WDR70: variants seen among roughly 807,000 people sequenced by gnomAD.
The protein encoded by WDR70 is WD repeat domain 70, also known as WD repeat-containing protein 70.
Under a neutral mutation model 88.6 loss-of-function variants are expected in WDR70, and 53 were observed. That is an observed-to-expected ratio of 0.60 (90% CI 0.48 to 0.75). The LOEUF (loss-of-function observed/expected upper bound fraction) is 0.75, where lower values mean the gene tolerates loss of function less well. WDR70 is among the 30% of genes least tolerant of loss of function. The probability of loss-of-function intolerance (pLI) is 0.00; values close to 1 mark genes in which losing one functional copy is unlikely to be tolerated. For missense variants in WDR70, 610 were observed against 823.2 expected (o/e 0.74, Z 3.17); for synonymous variants, 280 against 270.0 (o/e 1.04, Z -0.36).
At chr5:37,474,886 T>C (rs1739430063) in intron 7 of WDR70, among the ~76,000 whole-genome samples, 1 of 152,174 alleles carries the variant, frequency 6.6e-6, no homozygotes, top group Admixed American at 6.5e-5. Context: ...ATTTCCTTTT[T>C]ATCTCCAGTA....
rs546563852 is a variant in WDR70, at chr5:37,433,387, T to G, written c.493-4535T>G. On this transcript the variant is annotated intron_variant, in intron 5 of 17. Coordinates refer to ENST00000265107, the MANE Select transcript of WDR70 (RefSeq NM_018034.4). ...AAAATCTCAGACTTTATCAAATTAC[T>G]TTCTATGACTCAGAGCTTAAACTTC... is the stretch of plus-strand genomic sequence containing the variant. Among the ~76,000 whole-genome samples, 38 of 152,276 alleles carry G rather than the reference T, an allele frequency of 2.5e-4. 1 individual carries two copies. The highest frequency in any genetic ancestry group is 8.4e-4 in the African/African-American group (35 of 41,560).
intron 5 of WDR70, among the ~76,000 whole-genome samples, chr5:37,397,800 C>G (rs1749064793): frequency 6.6e-6 from 1 of 152,166 alleles, no homozygotes; most frequent in South Asian, 2.1e-4. Flanking sequence ...TGAGACCATC[C>G]TGGCCAACAT....
chr5:37,396,694 G>A (rs1487587830), intron 5 of WDR70, 124 bp downstream of exon 5: 8 of 1,406,882 alleles, frequency 5.7e-6, no homozygotes, highest in Non-Finnish European at 6.5e-6. Context: ...GCCGGGCATG[G>A]TGGCTTAACA....
At chr5:37,655,537 A>G (rs745661052) in intron 10 of WDR70, among the ~76,000 whole-genome samples, 16 of 152,066 alleles carry the variant, frequency 1.1e-4, no homozygotes, top group Non-Finnish European at 1.6e-4. Context: ...GTGTCTTCCA[A>G]TTTGGTTCCA....
At chr5:37,461,588 G>A (rs1437090842) in intron 7 of WDR70, among the ~76,000 whole-genome samples, 3 of 151,888 alleles carry the variant, frequency 2.0e-5, no homozygotes, top group Admixed American at 6.6e-5. Flanking sequence ...GGTTCACGCC[G>A]TTCTCCTGCC....
chr5:37,698,007 G>T, intron 11 of WDR70: 1 of 336,016 alleles, frequency 3.0e-6, no homozygotes, highest in Non-Finnish European at 5.6e-6. Flanking sequence ...AATTCCATAA[G>T]AGTTTGAAGC....
chr5:37,730,823 C>A (rs1230613030), intron 17 of WDR70, among the ~76,000 whole-genome samples: 1 of 152,106 alleles, frequency 6.6e-6, no homozygotes, highest in Non-Finnish European at 1.5e-5. Context: ...CCAACTCAAT[C>A]TTTATACTGC....
intron 17 of WDR70, among the ~76,000 whole-genome samples, chr5:37,730,257 T>C (rs1748105687): frequency 6.6e-6 from 1 of 152,150 alleles, no homozygotes; most frequent in Admixed American, 6.6e-5. Flanking sequence ...AAATTTAACT[T>C]TAAATGAACT....
intron 4 of WDR70, among the ~76,000 whole-genome samples, chr5:37,393,723 C>T (rs1362625765): frequency 3.3e-5 from 5 of 152,070 alleles, no homozygotes; most frequent in African/African-American, 9.7e-5. Context: ...CTCGGTCACC[C>T]AGGCTGGAGT....
chr5:37,576,095 C>G (rs1289723103), intron 9 of WDR70, among the ~76,000 whole-genome samples: 2 of 143,400 alleles, frequency 1.4e-5, no homozygotes, highest in African/African-American at 2.6e-5. Context: ...CCTTCCTTCC[C>G]TCCCTCCCCG....
chr5:37,552,895 G>T (rs1258835511), intron 9 of WDR70, among the ~76,000 whole-genome samples: 1 of 152,104 alleles, frequency 6.6e-6, no homozygotes, highest in Non-Finnish European at 1.5e-5. Context: ...GCTCATTCTG[G>T]ATTGTTTCTT....
At chr5:37,675,839 C>G (rs1236340367) in intron 10 of WDR70, among the ~76,000 whole-genome samples, 1 of 152,082 alleles carries the variant, frequency 6.6e-6, no homozygotes, top group Non-Finnish European at 1.5e-5. Flanking sequence ...TGGCCATTTT[C>G]ACGATATTTA....
At chr5:37,507,258 A>T (rs1418082955) in intron 8 of WDR70, among the ~76,000 whole-genome samples, 1 of 152,058 alleles carries the variant, frequency 6.6e-6, no homozygotes, top group Non-Finnish European at 1.5e-5. Flanking sequence ...GTACATATTT[A>T]TGGGGTACAT....
At chr5:37,434,469 T>C (rs527973336) in intron 5 of WDR70, among the ~76,000 whole-genome samples, 1 of 152,334 alleles carries the variant, frequency 6.6e-6, no homozygotes, top group East Asian at 1.9e-4. Context: ...AAAATAGCGC[T>C]CATTTTCAAG....
At chr5:37,379,659 G>C (rs1163900675) in intron 2 of WDR70, 105 bp downstream of exon 2, 1 of 1,239,122 alleles carries the variant, frequency 8.1e-7, no homozygotes, top group Non-Finnish European at 1.2e-6. Flanking sequence ...ATTGTAGCTC[G>C]GGTGCATACC....
intron 10 of WDR70, among the ~76,000 whole-genome samples, chr5:37,696,348 C>G (rs1457665194): frequency 6.6e-6 from 1 of 152,108 alleles, no homozygotes; most frequent in African/African-American, 2.4e-5. Context: ...AATGAACTGG[C>G]CTGCTTTTGT....
intron 5 of WDR70, among the ~76,000 whole-genome samples, chr5:37,415,853 C>T (rs1349595496): frequency 6.7e-6 from 1 of 148,522 alleles, no homozygotes; most frequent in African/African-American, 2.5e-5. Flanking sequence ...CGGGCAGAGG[C>T]GCTCCTCACA....
At chr5:37,712,865 C>G (rs4568386) in intron 13 of WDR70, among the ~76,000 whole-genome samples, 4 of 152,118 alleles carry the variant, frequency 2.6e-5, no homozygotes, top group African/African-American at 9.6e-5. Flanking sequence ...CCATGCCCAG[C>G]TAATTTTTTT....
At chr5:37,672,680 C>T (rs1214196900) in intron 10 of WDR70, among the ~76,000 whole-genome samples, 6 of 152,158 alleles carry the variant, frequency 3.9e-5, no homozygotes, top group African/African-American at 7.2e-5. Flanking sequence ...TGCCACATTC[C>T]CCTTGCCAAG....
Sources: gnomAD v4.1 joint callset for allele counts (sites outside exome capture counted in the v4.1 genomes callset) on GRCh38, gnomAD v4.1.1 for gene constraint, MANE v1.5 for transcripts, NCBI Gene and HGNC (gene_info 2026-07-23, HGNC 2026-07-21) for gene names.